Variants in CEP70 observed in about 807,000 individuals in gnomAD.
CEP70 encodes the protein centrosomal protein of 70 kDa.
Under a neutral mutation model 90.9 loss-of-function variants are expected in CEP70, and 70 were observed. That is an observed-to-expected ratio of 0.77 (90% CI 0.64 to 0.94). The LOEUF is 0.94. Ranked by LOEUF, CEP70 falls within the 40% of genes least tolerant of loss-of-function variation. CEP70 has a pLI of 0.00. For missense variants in CEP70, 648 were observed against 669.0 expected (o/e 0.97, Z 0.35); for synonymous variants, 220 against 228.3 (o/e 0.96, Z 0.33).
rs566724998 is a variant in CEP70, at chr3:138,524,135, T to C, written c.944+1355A>G. Among the ~76,000 whole-genome samples the C allele has an allele frequency of 7.1e-4, 107 of 150,036 alleles. No individual in the cohort carries two copies. In the East Asian group the frequency reaches 8.9e-3, roughly 13 times the overall value. ...AACAAGAAATGGGGAAAGGATTCCC[T>C]ATTTAATAAATGGTGCTGGGAAAAC... On this transcript the variant is annotated intron_variant, in intron 11 of 17. Coordinates refer to ENST00000264982, the MANE Select transcript of CEP70 (RefSeq NM_024491.4).
Position 138,494,736 on chromosome 3 carries a change from C to G in CEP70, c.*279G>C. 4.3e-6 allele frequency: 1 copy of G among 233,256 alleles called. No homozygotes were observed. The highest frequency in any genetic ancestry group is 7.8e-5 in the South Asian group (1 of 12,846). The allele number at this position is 233,256 out of a possible 1,614,324, so 14.4% of individuals were successfully genotyped here. A position where few individuals can be genotyped will look rare whatever the true frequency, so the allele number is the denominator to read the frequency against. On this transcript the variant is annotated 3_prime_UTR_variant, in exon 18 of 18. Coordinates refer to ENST00000264982, the MANE Select transcript of CEP70 (RefSeq NM_024491.4). The stretch of plus-strand genomic sequence containing the variant: ...TCTCCCTGGGCTCCTCTTTTACTCA[C>G]AAACTCCACTCTAAAACAACCTTAA...
At chr3:138,497,174 C>A in intron 17 of CEP70, 1 of 1,181,962 alleles carries the variant, frequency 8.5e-7, no homozygotes, top group Non-Finnish European at 1.1e-6. Flanking sequence ...CCCCACTGCA[C>A]ATAAGACTGG....
At chr3:138,566,121 A>G (rs1267189558) in intron 6 of CEP70, among the ~76,000 whole-genome samples, 1 of 152,206 alleles carries the variant, frequency 6.6e-6, no homozygotes, top group African/African-American at 2.4e-5. Flanking sequence ...CAAAATCACA[A>G]TGAGATACCA....
intron 6 of CEP70, among the ~76,000 whole-genome samples, chr3:138,543,221 C>T (rs2038904496): frequency 6.6e-6 from 1 of 152,216 alleles, no homozygotes; most frequent in African/African-American, 2.4e-5. Context: ...AACATGCCAT[C>T]TGCAGTGCCC....
At chr3:138,523,741 A>T (rs2036922169) in intron 11 of CEP70, among the ~76,000 whole-genome samples, 1 of 152,192 alleles carries the variant, frequency 6.6e-6, no homozygotes, top group African/African-American at 2.4e-5. Context: ...AAACAAATGG[A>T]AGAACGTTCC....
At chr3:138,507,201 G>A (rs1444816116) in intron 12 of CEP70, among the ~76,000 whole-genome samples, 1 of 152,004 alleles carries the variant, frequency 6.6e-6, no homozygotes, top group Non-Finnish European at 1.5e-5. Context: ...AAATACCTAG[G>A]AAATAACAAG....
chr3:138,499,846 C>A, intron 16 of CEP70: 1 of 345,082 alleles, frequency 2.9e-6, no homozygotes, highest in Non-Finnish European at 5.5e-6. Flanking sequence ...CAGTCACACA[C>A]ACACACAAAA....
At chr3:138,505,805 C>CT (rs1174561981) in intron 12 of CEP70, among the ~76,000 whole-genome samples, 3 of 152,138 alleles carry the variant, frequency 2.0e-5, no homozygotes, top group Non-Finnish European at 4.4e-5. Context: ...GGAGCTCCCT[C>CT]TTATTCAGCC....
At chr3:138,541,448 A>G (rs1269854314) in intron 6 of CEP70, among the ~76,000 whole-genome samples, 1 of 151,644 alleles carries the variant, frequency 6.6e-6, no homozygotes, top group Non-Finnish European at 1.5e-5. Context: ...AAAACCTGTC[A>G]ACCAAGAATA....
At chr3:138,503,637 A>T (rs1294695479) in intron 13 of CEP70, among the ~76,000 whole-genome samples, 1 of 152,216 alleles carries the variant, frequency 6.6e-6, no homozygotes, top group African/African-American at 2.4e-5. Flanking sequence ...TGGCAGAAGT[A>T]ACTAATTCTT....
chr3:138,577,426 A>T (rs1454179594), intron 2 of CEP70, among the ~76,000 whole-genome samples: 1 of 152,108 alleles, frequency 6.6e-6, no homozygotes, highest in African/African-American at 2.4e-5. Flanking sequence ...AGGCGGGCAG[A>T]TCACGAAGTC....
chr3:138,574,854 G>T (rs2108185114), intron 2 of CEP70, among the ~76,000 whole-genome samples: 1 of 152,140 alleles, frequency 6.6e-6, no homozygotes, highest in East Asian at 1.9e-4. Flanking sequence ...CTGCAGCTGA[G>T]GGACCTAACT....
chr3:138,560,288 A>C (rs1383698020), intron 6 of CEP70, among the ~76,000 whole-genome samples: 1 of 152,096 alleles, frequency 6.6e-6, no homozygotes, highest in East Asian at 1.9e-4. Context: ...TAGCCAAGAG[A>C]AGCTGGGAGG....
intron 2 of CEP70, among the ~76,000 whole-genome samples, chr3:138,584,037 C>G (rs2108254440): frequency 6.6e-6 from 1 of 151,586 alleles, no homozygotes; most frequent in Admixed American, 6.6e-5. Flanking sequence ...CTTAGCCAGA[C>G]TAATGAAGAA....
At position 138,508,452 on chromosome 3, in the gene CEP70, T is replaced by C. The variant is rs1029126404; in HGVS notation, c.1037A>G (p.Gln346Arg). Residue 346 changes from glutamine to arginine, a missense_variant, in exon 12 of 18, where the codon CAG becomes CGG. Gln to Arg is a conservative substitution (Grantham distance 43). Coordinates refer to ENST00000264982, the MANE Select transcript of CEP70 (RefSeq NM_024491.4). ...KYNQQQALID[Q>R]RYFQVLCSIN... is the part of the protein sequence containing the mutation. Reference sequence around the variant, plus strand: ...TCAATTCAATACCTGAAAGTATCTCTGGTCAATTAGGGCCTGTTGCTGATT... The same window carrying C: ...TCAATTCAATACCTGAAAGTATCTCCGGTCAATTAGGGCCTGTTGCTGATT... 5 of 1,600,998 alleles carry C rather than the reference T, an allele frequency of 3.1e-6. No individual in the cohort carries two copies. Among genetic ancestry groups the C allele is most frequent in the Non-Finnish European group, 4.3e-6 (5 of 1,168,218 alleles).
At chr3:138,544,199 C>A in intron 6 of CEP70, among the ~76,000 whole-genome samples, 1 of 150,208 alleles carries the variant, frequency 6.7e-6, no homozygotes. Context: ...ATGGTAACTA[C>A]AAAGCAAAAA....
intron 2 of CEP70, among the ~76,000 whole-genome samples, chr3:138,575,662 G>A (rs1471199515): frequency 6.6e-6 from 1 of 152,098 alleles, no homozygotes; most frequent in Non-Finnish European, 1.5e-5. Flanking sequence ...GATTCACCAA[G>A]GTTGAAATGA....
chr3:138,554,370 G>T (rs1024390675), intron 6 of CEP70, among the ~76,000 whole-genome samples: 2 of 152,048 alleles, frequency 1.3e-5, no homozygotes, highest in African/African-American at 4.8e-5. Context: ...ACAAGATAAG[G>T]ATGCCTACTC....
intron 2 of CEP70, among the ~76,000 whole-genome samples, chr3:138,581,884 GA>G (rs907998019): frequency 2.7e-5 from 4 of 149,034 alleles, no homozygotes; most frequent in Admixed American, 6.7e-5. Flanking sequence ...CCAAGGTCAA[GA>G]AAAAAAAAAT....
Sources: allele counts gnomAD v4.1 joint callset (sites outside exome capture counted in the v4.1 genomes callset), GRCh38; gene constraint gnomAD v4.1.1; transcripts MANE v1.5; gene names NCBI Gene and HGNC (gene_info 2026-07-23, HGNC 2026-07-21).